Variants in ACO2 observed in about 807,000 individuals in gnomAD.
ACO2 encodes aconitate hydratase, mitochondrial.
In ACO2, 31 loss-of-function variants were observed where a neutral mutation model predicts 84.5. The observed-to-expected ratio is 0.37, with a 90% CI of 0.28 to 0.50. The LOEUF is 0.50. Ranked by LOEUF, ACO2 falls within the 20% of genes least tolerant of loss-of-function variation. The pLI, the probability that ACO2 is intolerant of heterozygous loss-of-function variation, is 0.97. For synonymous variants in ACO2, 414 were observed against 412.7 expected, an observed-to-expected ratio of 1.00 and a Z score of -0.04; for missense variants, 685 against 1,029.3, an observed-to-expected ratio of 0.67 and a Z score of 4.58.
intron 2 of ACO2, among the ~76,000 whole-genome samples, chr22:41,503,444 C>A (rs1237386940): frequency 2.6e-5 from 4 of 152,034 alleles, no homozygotes; most frequent in Non-Finnish European, 4.4e-5. Flanking sequence ...GATTCTCCTG[C>A]CTCAGCCTCC....
intron 1 of ACO2, among the ~76,000 whole-genome samples, chr22:41,497,397 ATTC>A (rs751567332): frequency 2.3e-4 from 34 of 150,796 alleles, no homozygotes; most frequent in Non-Finnish European, 3.4e-4. Flanking sequence ...GGATTCATTT[ATTC>A]TTCTCTGGTA....
At chr22:41,512,302 G>T (rs199829341) in intron 4 of ACO2, 12 of 227,070 alleles carry the variant, frequency 5.3e-5, no homozygotes, top group African/African-American at 2.1e-4. Flanking sequence ...GTATTATTTT[G>T]TTTTTTTTCA....
intron 12 of ACO2, among the ~76,000 whole-genome samples, chr22:41,524,455 A>G (rs1159534759): frequency 2.0e-5 from 3 of 152,190 alleles, no homozygotes; most frequent in African/African-American, 7.2e-5. Flanking sequence ...CGTGTTCTAC[A>G]AATATGTCTT....
rs2066549415 is a variant in ACO2, at chr22:41,523,860, A to G, written c.1401A>G (p.Thr467=). ...ACATCAAGAAGGGGGAGAAGAACAC[A>G]ATCGTCACCTCCTACAACAGGAACT... ...RKDIKKGEKN[T]IVTSYNRNFT... Residue 467 remains threonine (T), a synonymous_variant, in exon 12 of 18, where the codon ACA becomes ACG. Coordinates refer to ENST00000216254, the MANE Select transcript of ACO2 (RefSeq NM_001098.3). 6.2e-7 allele frequency: 1 copy of G among 1,612,182 alleles called. No homozygotes were observed. Among genetic ancestry groups the G allele is most frequent in the Non-Finnish European group, 8.5e-7 (1 of 1,179,976 alleles).
chr22:41,480,912 C>G (rs1267116236), intron 1 of ACO2, among the ~76,000 whole-genome samples: 1 of 152,134 alleles, frequency 6.6e-6, no homozygotes, highest in African/African-American at 2.4e-5. Flanking sequence ...AACTCCTGGG[C>G]TCAAGCAATT....
intron 14 of ACO2, 116 bp downstream of exon 14, chr22:41,525,464 G>A (rs1256874325): frequency 6.1e-6 from 8 of 1,322,154 alleles, no homozygotes; most frequent in African/African-American, 1.5e-5. Context: ...GCAGGTGGGA[G>A]ATGGAAGGGA....
At chr22:41,476,259 TAGTC>T (rs1293119067) in intron 1 of ACO2, among the ~76,000 whole-genome samples, 14 of 144,732 alleles carry the variant, frequency 9.7e-5, no homozygotes, top group Non-Finnish European at 1.5e-5. Flanking sequence ...AATACAAAAT[TAGTC>T]AGGTGTGGTG....
At chr22:41,526,108 A>G (rs569209263) in intron 14 of ACO2, 154 bp from the exon 15 acceptor site, 72 of 639,348 alleles carry the variant, frequency 1.1e-4, no homozygotes, top group Non-Finnish European at 1.9e-4. Flanking sequence ...TGGAAGCACC[A>G]GGACCACAGA....
intron 9 of ACO2, 53 bp from the exon 10 acceptor site, chr22:41,522,777 C>G: frequency 6.3e-7 from 1 of 1,589,202 alleles, no homozygotes; most frequent in African/African-American, 1.3e-5. Flanking sequence ...AGGTGGAGAC[C>G]TCTGCTCACT....
intron 1 of ACO2, among the ~76,000 whole-genome samples, chr22:41,491,240 A>G (rs553964916): frequency 6.6e-6 from 1 of 152,206 alleles, no homozygotes; most frequent in Non-Finnish European, 1.5e-5. Flanking sequence ...CATCATGTTC[A>G]GTGCCCTTGA....
intron 1 of ACO2, among the ~76,000 whole-genome samples, chr22:41,480,840 G>A (rs1458798839): frequency 6.6e-6 from 1 of 152,018 alleles, no homozygotes; most frequent in Non-Finnish European, 1.5e-5. Context: ...TTCCGAGATG[G>A]AGTCTTGCTC....
chr22:41,519,198 G>T (rs1484058997), intron 8 of ACO2, among the ~76,000 whole-genome samples: 2 of 152,220 alleles, frequency 1.3e-5, no homozygotes, highest in Non-Finnish European at 2.9e-5. Flanking sequence ...TCCCAGCAGG[G>T]TTAGGCACCC....
chr22:41,523,331 C>A, intron 11 of ACO2, 53 bp downstream of exon 11: 1 of 1,407,850 alleles, frequency 7.1e-7, no homozygotes, highest in Admixed American at 2.1e-5. Flanking sequence ...GGTACAGAGC[C>A]CCAGAAGTTG....
intron 4 of ACO2, 137 bp downstream of exon 4, chr22:41,512,105 C>T (rs573064631): frequency 6.9e-6 from 4 of 583,444 alleles, no homozygotes; most frequent in African/African-American, 5.9e-5. Flanking sequence ...TATGCTCTTC[C>T]TCCTTTGTTT....
intron 1 of ACO2, among the ~76,000 whole-genome samples, chr22:41,474,694 G>C (rs1390578945): frequency 7.0e-6 from 1 of 143,318 alleles, no homozygotes; most frequent in African/African-American, 2.6e-5. Flanking sequence ...CGCCTCCCAG[G>C]TTCACGCCAT....
At chr22:41,511,794 TGATG>T in intron 3 of ACO2, 78 bp from the exon 4 acceptor site, 1 of 958,098 alleles carries the variant, frequency 1.0e-6, no homozygotes, top group Non-Finnish European at 1.6e-6. Context: ...GAAGGGAGGC[TGATG>T]GGGTGGGGAG....
At chr22:41,473,031 G>A (rs1465437402) in intron 1 of ACO2, among the ~76,000 whole-genome samples, 2 of 152,228 alleles carry the variant, frequency 1.3e-5, no homozygotes, top group African/African-American at 4.8e-5. Flanking sequence ...TTGTGAAACA[G>A]ATGATTCTGG....
At chr22:41,509,475 G>A (rs968806881) in intron 3 of ACO2, among the ~76,000 whole-genome samples, 5 of 152,112 alleles carry the variant, frequency 3.3e-5, no homozygotes, top group South Asian at 2.1e-4. Flanking sequence ...GGGAAAGTGC[G>A]GGACTTGGTC....
intron 9 of ACO2, among the ~76,000 whole-genome samples, chr22:41,522,584 CCTAATGTGTTCAG>C (rs2146134524): frequency 6.6e-6 from 1 of 152,294 alleles, no homozygotes; most frequent in South Asian, 2.1e-4. Context: ...GGGTCATAGT[CCTAATGTGTTCAG>C]CATCATGGCC....
Sources: allele counts gnomAD v4.1 joint callset (sites outside exome capture counted in the v4.1 genomes callset), GRCh38; gene constraint gnomAD v4.1.1; transcripts MANE v1.5; gene names NCBI Gene and HGNC (gene_info 2026-07-23, HGNC 2026-07-21).